PPM1D: variants seen among roughly 807,000 people sequenced by gnomAD.
PPM1D encodes protein phosphatase, Mg2+/Mn2+ dependent 1D.
A neutral mutation model predicts 58.3 loss-of-function variants in PPM1D; 52 were observed. That is an observed-to-expected ratio of 0.89 (90% CI 0.71 to 1.12). The LOEUF (loss-of-function observed/expected upper bound fraction) is 1.12. Ranked by LOEUF, PPM1D falls within the 50% of genes most tolerant of loss-of-function variation. PPM1D has a pLI of 0.00. For missense variants in PPM1D, 564 were observed against 777.2 expected (o/e 0.73, Z 3.26); for synonymous variants, 278 against 285.1 (o/e 0.98, Z 0.25).
intron 1 of PPM1D, among the ~76,000 whole-genome samples, chr17:60,610,332 T>C (rs1428280238): frequency 6.6e-6 from 1 of 152,134 alleles, no homozygotes; most frequent in African/African-American, 2.4e-5. Flanking sequence ...GGGTCTTACT[T>C]TTTTGGTTCA....
chr17:60,621,477 C>G (rs1276487836), intron 1 of PPM1D, among the ~76,000 whole-genome samples: 2 of 152,054 alleles, frequency 1.3e-5, no homozygotes, highest in Admixed American at 6.6e-5. Flanking sequence ...TCACTGCAGC[C>G]TCCACCTCCT....
At chr17:60,611,202 G>T (rs563689373) in intron 1 of PPM1D, among the ~76,000 whole-genome samples, 2 of 152,128 alleles carry the variant, frequency 1.3e-5, no homozygotes, top group South Asian at 2.1e-4. Flanking sequence ...TCTATTTTTA[G>T]TAGAGTTAGG....
At chr17:60,659,224 CTATATT>C (rs1567978366) in intron 5 of PPM1D, among the ~76,000 whole-genome samples, 2 of 152,072 alleles carry the variant, frequency 1.3e-5, no homozygotes, top group Admixed American at 1.3e-4. Flanking sequence ...GTACTCCTGA[CTATATT>C]TAATTTACAT....
At position 60,663,154 on chromosome 17, in the gene PPM1D, CT is replaced by C. The variant is rs1415073333; in HGVS notation, c.1422del (p.Glu475LysfsTer8). The C allele has an allele frequency of 6.2e-7, 1 of 1,614,104 alleles. No individual in the cohort carries two copies. Among genetic ancestry groups the C allele is most frequent in the Non-Finnish European group, 8.5e-7 (1 of 1,179,998 alleles). ...VVIPSKDPEP[L>X]EENCAKALTL... ...CATACCCTCAAAAGATCCAGAACCA[CT>C]TGAAGAAAATTGCGCTAAAGCCCTG... On this transcript the variant is annotated frameshift_variant, in exon 6 of 6. Coordinates refer to ENST00000305921, the MANE Select transcript of PPM1D (RefSeq NM_003620.4). LOFTEE classifies it high-confidence loss of function.
At chr17:60,618,381 C>T (rs2030628110) in intron 1 of PPM1D, among the ~76,000 whole-genome samples, 1 of 152,200 alleles carries the variant, frequency 6.6e-6, no homozygotes, top group African/African-American at 2.4e-5. Flanking sequence ...ATGTTACCTG[C>T]AATGTACCAG....
chr17:60,632,761 A>G (rs923326096), intron 2 of PPM1D, among the ~76,000 whole-genome samples: 1 of 152,142 alleles, frequency 6.6e-6, no homozygotes, highest in Non-Finnish European at 1.5e-5. Context: ...TGAGGTCAAG[A>G]GTTCGAGACC....
rs1486057929 is a variant in PPM1D at position 60,663,528 on chromosome 17, C to T, written c.1794C>T (p.His598=). The T allele has an allele frequency of 3.0e-5, 49 of 1,609,942 alleles. No individual in the cohort carries two copies. The highest frequency in any genetic ancestry group is 4.2e-5 in the Non-Finnish European group (49 of 1,179,802). ...TTGGAAATCCTTTACTTCATCAACA[C>T]AGGAAAACTGTTTGTGTTTGCTGAA... is the stretch of plus-strand genomic sequence containing the variant. ...KKIGNPLLHQ[H]RKTVCVC The change falls in exon 6 of 6, where the codon CAC becomes CAT. Residue 598 remains histidine, a synonymous_variant. Coordinates refer to ENST00000305921, the MANE Select transcript of PPM1D (RefSeq NM_003620.4).
intron 5 of PPM1D, among the ~76,000 whole-genome samples, chr17:60,659,313 CAG>C (rs1194207530): frequency 6.6e-6 from 1 of 152,144 alleles, no homozygotes; most frequent in East Asian, 1.9e-4. Context: ...GTTGAACAGT[CAG>C]AGACTTAATC....
chr17:60,624,767 C>T (rs970702387), intron 2 of PPM1D, among the ~76,000 whole-genome samples: 1 of 151,750 alleles, frequency 6.6e-6, no homozygotes, highest in Non-Finnish European at 1.5e-5. Context: ...GCCTGGGCAA[C>T]AAGAGCAAAA....
intron 3 of PPM1D, among the ~76,000 whole-genome samples, chr17:60,634,745 T>G (rs962988565): frequency 2.3e-4 from 35 of 152,138 alleles, no homozygotes; most frequent in African/African-American, 8.4e-4. Flanking sequence ...TGGGGGTAGT[T>G]TTTTCAAAGA....
rs913972710 is a variant in PPM1D at position 60,664,622 on chromosome 17, C to G, written c.*1070C>G. The G allele has an allele frequency of 5.3e-5, 8 of 152,056 alleles. No individual in the cohort carries two copies. The highest frequency in any genetic ancestry group is 1.9e-4 in the African/African-American group (8 of 41,404). The allele number at this position is 152,056 out of a possible 1,614,324, so 9.4% of individuals were successfully genotyped here. On this transcript the variant is annotated 3_prime_UTR_variant, in exon 6 of 6. Coordinates refer to ENST00000305921, the MANE Select transcript of PPM1D (RefSeq NM_003620.4). Reference sequence around the variant, plus strand: ...TTTATACTGAGCTTTTGAGTGTTCCCAATCTGAAATTCAAAATGCTCTAAT... The same window carrying G: ...TTTATACTGAGCTTTTGAGTGTTCCGAATCTGAAATTCAAAATGCTCTAAT...
chr17:60,641,299 A>G (rs1374219604), intron 3 of PPM1D, among the ~76,000 whole-genome samples: 4 of 152,138 alleles, frequency 2.6e-5, no homozygotes, highest in Admixed American at 2.0e-4. Flanking sequence ...CTCACAGGGT[A>G]TGAGATGGTA....
At chr17:60,638,016 T>C (rs939507977) in intron 3 of PPM1D, among the ~76,000 whole-genome samples, 2 of 152,140 alleles carry the variant, frequency 1.3e-5, no homozygotes, top group African/African-American at 4.8e-5. Flanking sequence ...AAAAAGAAGG[T>C]AGCTTTTGGT....
chr17:60,618,043 C>T (rs1468269940), intron 1 of PPM1D, among the ~76,000 whole-genome samples: 1 of 152,190 alleles, frequency 6.6e-6, no homozygotes, highest in Non-Finnish European at 1.5e-5. Flanking sequence ...AAGTCATGCT[C>T]TATGTGTTCT....
chr17:60,617,703 A>C (rs2143643987), intron 1 of PPM1D, among the ~76,000 whole-genome samples: 1 of 152,274 alleles, frequency 6.6e-6, no homozygotes, highest in African/African-American at 2.4e-5. Context: ...TGGGCTATGA[A>C]GCTGTCCTTG....
chr17:60,652,611 C>G (rs1753749699), intron 4 of PPM1D, among the ~76,000 whole-genome samples: 1 of 119,618 alleles, frequency 8.4e-6, no homozygotes, highest in African/African-American at 3.2e-5. Flanking sequence ...AGTGGCTGCT[C>G]TAATTTACAT....
chr17:60,608,828 A>G (rs1019542249), intron 1 of PPM1D, among the ~76,000 whole-genome samples: 1 of 151,372 alleles, frequency 6.6e-6, no homozygotes, highest in Non-Finnish European at 1.5e-5. Context: ...GCTCACTGCA[A>G]GCTCTGCCTC....
At chr17:60,658,588 C>T (rs930527189) in intron 5 of PPM1D, among the ~76,000 whole-genome samples, 7 of 147,580 alleles carry the variant, frequency 4.7e-5, no homozygotes, top group Non-Finnish European at 8.9e-5. Context: ...GCGGAGGTTG[C>T]GGTGAGCCAA....
At chr17:60,621,598 G>A (rs1052126724) in intron 1 of PPM1D, among the ~76,000 whole-genome samples, 3 of 134,176 alleles carry the variant, frequency 2.2e-5, no homozygotes, top group Non-Finnish European at 4.6e-5. Context: ...ACGGAGTCTC[G>A]CTCTGTCGCC....
Sources: gnomAD v4.1 joint callset for allele counts (sites outside exome capture counted in the v4.1 genomes callset) on GRCh38, gnomAD v4.1.1 for gene constraint, MANE v1.5 for transcripts, NCBI Gene and HGNC (gene_info 2026-07-23, HGNC 2026-07-21) for gene names.